The following NEDD9 variants were observed in gnomAD, a reference collection of about 807,000 sequenced individuals.
The protein encoded by NEDD9 is neural precursor cell expressed, developmentally down-regulated 9.
In NEDD9, 26 loss-of-function variants were observed where a neutral mutation model predicts 76.6. The ratio of observed to expected loss-of-function variants is 0.34; its 90% CI spans 0.25 to 0.47. The LOEUF (loss-of-function observed/expected upper bound fraction) is 0.47. Among genes scored for constraint, NEDD9 ranks in the 20% least tolerant of loss-of-function variants. NEDD9 has a pLI of 1.00. For synonymous variants in NEDD9, 392 were observed against 414.2 expected (o/e 0.95, Z 0.65); for missense variants, 937 against 1,058.5 (o/e 0.89, Z 1.59).
intron 3 of NEDD9, chr6:11,304,930 A>C (rs1419209144): frequency 2.2e-6 from 1 of 462,180 alleles, no homozygotes; most frequent in African/African-American, 2.1e-5. Flanking sequence ...CGTTTTGCAC[A>C]TGTACCCTAG....
At position 11,189,948 on chromosome 6, in the gene NEDD9, A is replaced by G. The variant is rs1758090450; in HGVS notation, c.1905+16T>C. ...TGTGAGTGAGTGTAGGTGTTTTATG[A>G]GTTCCGCTGTTTTACCTGTAGGTGG... On this transcript the variant is annotated intron_variant, in intron 5 of 6. Transcript: ENST00000379446. 2 of 1,510,994 alleles carry G rather than the reference A, an allele frequency of 1.3e-6. No individual in the cohort carries two copies. Among genetic ancestry groups the G allele is most frequent in the South Asian group, 2.7e-5 (2 of 74,278 alleles). 93.6% of individuals were successfully genotyped at this position (1,510,994 alleles called of 1,614,324 possible). A position where few individuals can be genotyped will look rare whatever the true frequency, so the allele number is the denominator to read the frequency against.
chr6:11,214,033 G>A (rs916069898), intron 1 of NEDD9, among the ~76,000 whole-genome samples: 1 of 152,114 alleles, frequency 6.6e-6, no homozygotes, highest in African/African-American at 2.4e-5. Context: ...TTAGAGCATG[G>A]TTCACTATAC....
At chr6:11,322,106 C>T (rs1363698341) in intron 2 of NEDD9, among the ~76,000 whole-genome samples, 1 of 152,114 alleles carries the variant, frequency 6.6e-6, no homozygotes, top group Non-Finnish European at 1.5e-5. Flanking sequence ...TGTTCTCACT[C>T]ATAAGTGGGA....
At chr6:11,339,475 C>G (rs1385594441) in intron 1 of NEDD9, among the ~76,000 whole-genome samples, 1 of 152,154 alleles carries the variant, frequency 6.6e-6, no homozygotes, top group Non-Finnish European at 1.5e-5. Flanking sequence ...TATGCCTCAA[C>G]CTCTATGAAA....
intron 1 of NEDD9, among the ~76,000 whole-genome samples, chr6:11,363,557 A>C (rs1039346147): frequency 1.3e-5 from 2 of 152,200 alleles, no homozygotes; most frequent in African/African-American, 4.8e-5. Flanking sequence ...AACCTGAGAA[A>C]GAAGCAACCT....
At chr6:11,315,146 A>C (rs141995638) in intron 2 of NEDD9, among the ~76,000 whole-genome samples, 2 of 152,308 alleles carry the variant, frequency 1.3e-5, no homozygotes, top group Non-Finnish European at 2.9e-5. Flanking sequence ...GGTCTGTAGA[A>C]ACTACAGAAT....
intron 1 of NEDD9, among the ~76,000 whole-genome samples, chr6:11,346,729 G>C: frequency 6.6e-6 from 1 of 152,154 alleles, no homozygotes; most frequent in African/African-American, 2.4e-5. Context: ...CTCTTGACTT[G>C]CTTTGATCAC....
At chr6:11,378,888 A>G (rs1763012567) in intron 1 of NEDD9, among the ~76,000 whole-genome samples, 1 of 152,234 alleles carries the variant, frequency 6.6e-6, no homozygotes, top group Non-Finnish European at 1.5e-5. Context: ...TTGCTGAGTT[A>G]CATCGGAGCC....
At chr6:11,279,197 A>T (rs1326575864) in intron 3 of NEDD9, among the ~76,000 whole-genome samples, 1 of 152,256 alleles carries the variant, frequency 6.6e-6, no homozygotes. Context: ...CACTTAAAAT[A>T]TGATATTTCC....
At position 11,302,800 on chromosome 6, in the gene NEDD9, C is replaced by T. The variant is rs910502494; in HGVS notation, c.12+3192G>A. 7.2e-5 allele frequency among the ~76,000 whole-genome samples: 11 copies of T among 152,136 alleles called. 1 individual carries two copies. The highest frequency in any genetic ancestry group is 1.9e-4 in the African/African-American group (8 of 41,514). On this transcript the variant is annotated intron_variant, in intron 3 of 3. Coordinates refer to the NEDD9 transcript ENST00000397378. The stretch of plus-strand genomic sequence containing the variant: ...TCTCAATAGATGCAGAAAAGGCCTT[C>T]GATAAAATTCAACAGCGCTTCATGC...
intron 3 of NEDD9, among the ~76,000 whole-genome samples, chr6:11,242,171 C>T (rs1015428129): frequency 6.6e-6 from 1 of 152,070 alleles, no homozygotes; most frequent in Admixed American, 6.5e-5. Flanking sequence ...GCCCACTGAG[C>T]CCGGAAATAA....
At chr6:11,336,126 A>G (rs1047773454) in intron 1 of NEDD9, among the ~76,000 whole-genome samples, 9 of 152,264 alleles carry the variant, frequency 5.9e-5, no homozygotes, top group Admixed American at 2.0e-4. Context: ...GTCATCTCTT[A>G]TGACACTTCT....
chr6:11,211,770 C>T (rs1345377049), intron 2 of NEDD9, among the ~76,000 whole-genome samples: 3 of 152,240 alleles, frequency 2.0e-5, no homozygotes, highest in Non-Finnish European at 1.5e-5. Flanking sequence ...GTTCATGCCA[C>T]ACGCGTGCTC....
intron 3 of NEDD9, among the ~76,000 whole-genome samples, chr6:11,240,084 G>A (rs543409645): frequency 1.8e-4 from 27 of 151,834 alleles, no homozygotes; most frequent in African/African-American, 6.5e-4. Flanking sequence ...TCTGCAGATG[G>A]AGGTGGAGGG....
rs77264773 is a variant in NEDD9, at chr6:11,294,654, A to G, written c.12+11338T>C. On this transcript the variant is annotated intron_variant, in intron 3 of 3. Coordinates refer to the NEDD9 transcript ENST00000397378. The stretch of plus-strand genomic sequence containing the variant: ...AGTTCTTTATAGCAATGTAAGAACG[A>G]ACTAATATATCAGTTTACATTCCTA... 3.3e-4 allele frequency among the ~76,000 whole-genome samples: 50 copies of G among 152,352 alleles called. No individual in the cohort carries two copies. In the East Asian group the frequency reaches 9.2e-3, roughly 28 times the overall value.
intron 1 of NEDD9, among the ~76,000 whole-genome samples, chr6:11,353,461 CG>C (rs1480439699): frequency 6.6e-6 from 1 of 152,186 alleles, no homozygotes. Context: ...CAGGAATGCC[CG>C]GGGCTGCTGG....
At chr6:11,301,542 A>C (rs1761044320) in intron 3 of NEDD9, among the ~76,000 whole-genome samples, 1 of 152,202 alleles carries the variant, frequency 6.6e-6, no homozygotes, top group Non-Finnish European at 1.5e-5. Flanking sequence ...AGAACTCTCC[A>C]CCCCAAATCA....
intron 2 of NEDD9, among the ~76,000 whole-genome samples, chr6:11,322,490 G>T (rs904936784): frequency 6.6e-6 from 1 of 152,184 alleles, no homozygotes; most frequent in Admixed American, 6.5e-5. Context: ...TGGAGTTTTG[G>T]ACACGGTATT....
intron 3 of NEDD9, among the ~76,000 whole-genome samples, chr6:11,277,057 C>T (rs1395583350): frequency 2.0e-5 from 3 of 150,836 alleles, no homozygotes; most frequent in Non-Finnish European, 4.4e-5. Context: ...GGCTCTGATG[C>T]CCGGGGGGTG....
Sources: gnomAD v4.1 joint callset for allele counts (sites outside exome capture counted in the v4.1 genomes callset) on GRCh38, gnomAD v4.1.1 for gene constraint, MANE v1.5 for transcripts, NCBI Gene and HGNC (gene_info 2026-07-23, HGNC 2026-07-21) for gene names.